The following TRIB3 variants were observed in gnomAD, a reference collection of about 807,000 sequenced individuals.
TRIB3 encodes the protein tribbles pseudokinase 3.
TRIB3 carries 20 observed loss-of-function variants against 16.6 expected under a neutral mutation model. That is an observed-to-expected ratio of 1.20 (90% CI 0.85 to 1.75). TRIB3 has a LOEUF of 1.75. TRIB3 is among the 40% of genes most tolerant of loss of function. TRIB3 has a pLI of 0.00. For synonymous variants in TRIB3, 208 were observed against 217.0 expected (o/e 0.96, Z 0.36); for missense variants, 484 against 488.9 (o/e 0.99, Z 0.10).
intron 1 of TRIB3, among the ~76,000 whole-genome samples, chr20:387,493 T>C (rs1214627843): frequency 1.3e-5 from 2 of 151,174 alleles, no homozygotes; most frequent in Non-Finnish European, 2.9e-5. Flanking sequence ...CTTAGGAAGC[T>C]GAGGTGGGAG....
intron 3 of TRIB3, among the ~76,000 whole-genome samples, chr20:395,773 C>G (rs753218834): frequency 6.6e-6 from 1 of 152,154 alleles, no homozygotes; most frequent in Non-Finnish European, 1.5e-5. Context: ...AGGAACACAG[C>G]AGGCACTTGG....
intron 2 of TRIB3, among the ~76,000 whole-genome samples, chr20:389,728 G>A (rs1016840421): frequency 6.6e-6 from 1 of 152,148 alleles, no homozygotes; most frequent in African/African-American, 2.4e-5. Flanking sequence ...AGCGCCATGC[G>A]TTCACAGGGC....
chr20:381,585 AGG>A (rs34817674), intron 1 of TRIB3: 1 of 136,640 alleles, frequency 7.3e-6, no homozygotes, highest in Non-Finnish European at 1.6e-5. Context: ...GGGGGATCCG[AGG>A]GGGTCCTCGT....
chr20:382,412 A>T, intron 1 of TRIB3: 2 of 968,236 alleles, frequency 2.1e-6, no homozygotes, highest in South Asian at 1.6e-5. Flanking sequence ...GAGGGACTCC[A>T]GGCAGTCTCC....
intron 1 of TRIB3, among the ~76,000 whole-genome samples, chr20:381,773 G>T (rs2014659357): frequency 6.6e-6 from 1 of 152,156 alleles, no homozygotes. Context: ...GTGGGAGCGG[G>T]GGCGCAGCGC....
At chr20:384,082 T>C (rs1038512573) in intron 1 of TRIB3, among the ~76,000 whole-genome samples, 18 of 152,012 alleles carry the variant, frequency 1.2e-4, no homozygotes, top group African/African-American at 4.3e-4. Flanking sequence ...TTGATCTTCC[T>C]CCTATGAGCC....
At chr20:382,151 G>T in intron 1 of TRIB3, among the ~76,000 whole-genome samples, 1 of 152,024 alleles carries the variant, frequency 6.6e-6, no homozygotes, top group Non-Finnish European at 1.5e-5. Context: ...GCTTGCGCTT[G>T]ATGTAACCCG....
rs535250662 is a variant in TRIB3, at chr20:381,140, G to T, written c.-30G>T. 6.6e-3 allele frequency: 997 copies of T among 151,758 alleles called. 4 individuals are homozygous for T. Among genetic ancestry groups the T allele is most frequent in the Non-Finnish European group, 8.7e-3 (593 of 67,852 alleles). 9.4% of individuals were successfully genotyped at this position (151,758 alleles called of 1,614,324 possible). On this transcript the variant is annotated 5_prime_UTR_variant, in exon 1 of 4. Transcript: ENST00000217233. The stretch of plus-strand genomic sequence containing the variant: ...CCTGGAGGCTCTGAGCCCCGGCGGC[G>T]CCCGGGCCCACGCGGAACGACGGGG...
intron 3 of TRIB3, 53 bp from the exon 4 acceptor site, chr20:396,145 G>T: frequency 1.3e-6 from 2 of 1,559,826 alleles, no homozygotes; most frequent in Non-Finnish European, 1.7e-6. Flanking sequence ...ATGGGGTGGT[G>T]GCATGGGGGT....
intron 1 of TRIB3, among the ~76,000 whole-genome samples, chr20:387,384 T>C (rs544738227): frequency 1.8e-4 from 28 of 152,078 alleles, no homozygotes; most frequent in African/African-American, 6.5e-4. Context: ...ATGATAGATA[T>C]TCAAACAAAT....
At chr20:385,261 T>C (rs543465483) in intron 1 of TRIB3, among the ~76,000 whole-genome samples, 2,181 of 151,922 alleles carry the variant, frequency 0.014, 49 homozygotes, top group African/African-American at 0.05. Context: ...TACAGGCGTG[T>C]GCCACCACGC....
At position 388,264 on chromosome 20, in the gene TRIB3, C is replaced by T; in HGVS notation, c.254C>T (p.Ala85Val). The T allele has an allele frequency of 6.2e-7, 1 of 1,612,998 alleles. No homozygotes were observed. Among genetic ancestry groups the T allele is most frequent in the Non-Finnish European group, 8.5e-7 (1 of 1,179,962 alleles). ...EPEEGGRAYQALHCPTGTEYT... is the reference protein window; with the variant it reads ...EPEEGGRAYQVLHCPTGTEYT... ...GAGGAGGGCGGGCGGGCCTACCAGG[C>T]CCTGCACTGCCCTACAGGCACTGAG... Residue 85 changes from alanine to valine, a missense_variant, in exon 2 of 4, where the codon GCC becomes GTC. Transcript: ENST00000217233.
intron 1 of TRIB3, among the ~76,000 whole-genome samples, chr20:385,276 C>A (rs559387391): frequency 1.3e-5 from 2 of 152,148 alleles, no homozygotes; most frequent in Admixed American, 1.3e-4. Flanking sequence ...CCACGCCCGG[C>A]TAATTTTTGT....
intron 3 of TRIB3, among the ~76,000 whole-genome samples, chr20:394,134 G>T (rs1267695867): frequency 6.6e-6 from 1 of 150,394 alleles, no homozygotes; most frequent in East Asian, 2.0e-4. Flanking sequence ...GGGTTCAAGT[G>T]ATTCTCGTGC....
At position 384,036 on chromosome 20, in the gene TRIB3, ATCCATCCAG is replaced by A. The variant is rs201031357; in HGVS notation, c.-1+2879_-1+2887del. On this transcript the variant is annotated intron_variant, in intron 1 of 3. Transcript: ENST00000217233. ...CCCTCTCCTTCACCCCTCACATCCA[ATCCATCCAG>A]TCCATCCAGTCTGCCACTGAGTCCT... Among the ~76,000 whole-genome samples the A allele has an allele frequency of 2.2e-4, 34 of 151,750 alleles. 1 individual carries two copies. In the East Asian group the frequency reaches 5.4e-3, roughly 24 times the overall value.
rs1356580105 is a variant in TRIB3 at position 391,556 on chromosome 20, C to T, written c.561C>T (p.Arg187=). The T allele has an allele frequency of 6.2e-7, 1 of 1,611,362 alleles. No individual in the cohort carries two copies. The highest frequency in any genetic ancestry group is 1.7e-5 in the Admixed American group (1 of 59,994). ...GLVLRDLKLC[R]FVFADRERKK... is the part of the protein sequence containing the mutation. ...TCCTGCGTGATCTCAAGCTGTGTCG[C>T]TTTGTCTTCGCTGACCGTGAGAGGT... is the stretch of plus-strand genomic sequence containing the variant. The change falls in exon 3 of 4, where the codon CGC becomes CGT. Residue 187 remains arginine (R), a synonymous_variant. Transcript: ENST00000217233.
intron 1 of TRIB3, chr20:382,399 C>T: frequency 1.2e-6 from 1 of 848,410 alleles, no homozygotes; most frequent in South Asian, 1.6e-5. Flanking sequence ...GTGGCACAGG[C>T]CAGAGGGACT....
intron 1 of TRIB3, among the ~76,000 whole-genome samples, chr20:385,301 C>T (rs1339628148): frequency 2.0e-5 from 3 of 151,050 alleles, no homozygotes; most frequent in African/African-American, 4.9e-5. Flanking sequence ...TTAGTAGAGA[C>T]GGGGTTTCAC....
In TRIB3 at chr20:396,328, G is replaced by A; in HGVS notation, c.715G>A (p.Gly239Ser). Residue 239 changes from glycine to serine, a missense_variant, in exon 4 of 4, where the codon GGC (glycine) becomes AGC (serine). Coordinates refer to ENST00000217233, the MANE Select transcript of TRIB3 (RefSeq NM_021158.5). ...EILSSRASYS[G>S]KAADVWSLGV... ...ACTCAGCTCACGGGCCTCATACTCG[G>A]GCAAGGCAGCCGATGTCTGGAGCCT... The A allele has an allele frequency of 6.2e-7, 1 of 1,613,746 alleles. No individual in the cohort carries two copies. The highest frequency in any genetic ancestry group is 8.5e-7 in the Non-Finnish European group (1 of 1,180,028).
Sources: allele counts gnomAD v4.1 joint callset (sites outside exome capture counted in the v4.1 genomes callset), GRCh38; gene constraint gnomAD v4.1.1; transcripts MANE v1.5; gene names NCBI Gene and HGNC (gene_info 2026-07-23, HGNC 2026-07-21).